NUP62: variants seen among roughly 807,000 people sequenced by gnomAD.
NUP62 encodes the protein nucleoporin 62.
For missense variants in NUP62, 647 were observed against 689.4 expected (o/e 0.94, Z 0.69); for synonymous variants, 305 against 303.4 (o/e 1.01, Z -0.05).
chr19:49,924,501 C>T (rs147540590), intron 2 of NUP62, among the ~76,000 whole-genome samples: 6 of 152,156 alleles, frequency 3.9e-5, no homozygotes, highest in South Asian at 2.1e-4. Context: ...TGCCTGCAAC[C>T]ACCGCCTCAC....
rs752657893 is a variant in NUP62 at position 49,909,631 on chromosome 19, C to A, written c.177G>T (p.Leu59=). The A allele has an allele frequency of 6.2e-7, 1 of 1,614,194 alleles. No individual in the cohort carries two copies. The highest frequency in any genetic ancestry group is 1.1e-5 in the South Asian group (1 of 91,090). The change falls in exon 3 of 3, where the codon CTG becomes CTT. Residue 59 remains leucine, a synonymous_variant. Coordinates refer to ENST00000352066, the MANE Select transcript of NUP62 (RefSeq NM_016553.5). ...CCGGAGTCTGGGTGGCAAGTGAGAA[C>A]AGGCCGGTGGAAGGGGTACTTGTGG... ...QPATSTPSTG[L]FSLATQTPAT... is the part of the protein sequence containing the mutation.
At chr19:49,915,516 C>T (rs2075601199) in intron 2 of NUP62, among the ~76,000 whole-genome samples, 1 of 152,204 alleles carries the variant, frequency 6.6e-6, no homozygotes, top group Admixed American at 6.5e-5. Context: ...GACTCTGGAC[C>T]CCCAGCACTG....
Position 49,907,473 on chromosome 19 carries a change from C to T in NUP62, c.*766G>A. 1 of 438,584 alleles carries T rather than the reference C, an allele frequency of 2.3e-6. No homozygotes were observed. The highest frequency in any genetic ancestry group is 2.6e-5 in the Admixed American group (1 of 38,062). The allele number at this position is 438,584 out of a possible 1,614,324, so 27.2% of individuals were successfully genotyped here. A position where few individuals can be genotyped will look rare whatever the true frequency, so the allele number is the denominator to read the frequency against. On this transcript the variant is annotated 3_prime_UTR_variant, in exon 3 of 3. Transcript: ENST00000352066. ...TGTGCTGCTTTGCCTTGGTGGTTAG[C>T]ATGGTTAGCTTTCACAAGCACAAGC...
chr19:49,909,463 C>G lies in NUP62; in HGVS notation c.345G>C (p.Gly115=). 2 of 1,614,130 alleles carry G rather than the reference C, an allele frequency of 1.2e-6. No homozygotes were observed. Among genetic ancestry groups the G allele is most frequent in the Non-Finnish European group, 1.7e-6 (2 of 1,180,034 alleles). The change falls in exon 3 of 3, where the codon GGG becomes GGC. Residue 115 remains glycine, a synonymous_variant. Coordinates refer to ENST00000352066, the MANE Select transcript of NUP62 (RefSeq NM_016553.5). ...TPAMANPSGF[G]LGSSNLTNAI... ...CATTAGTGAGGTTGCTGCTGCCCAG[C>G]CCAAAGCCGCTGGGGTTTGCCATGG...
chr19:49,923,622 G>A (rs1600556371), intron 2 of NUP62, among the ~76,000 whole-genome samples: 1 of 152,242 alleles, frequency 6.6e-6, no homozygotes, highest in African/African-American at 2.4e-5. Flanking sequence ...AGGCCCCAGA[G>A]CAGGAACTAC....
intron 2 of NUP62, chr19:49,917,889 AG>A (rs926306921): frequency 3.3e-5 from 5 of 152,090 alleles, no homozygotes; most frequent in African/African-American, 1.2e-4. Flanking sequence ...AAAATTAGCC[AG>A]GTGTGGTGGT....
chr19:49,915,715 C>T (rs1213282287), intron 2 of NUP62, among the ~76,000 whole-genome samples: 1 of 152,192 alleles, frequency 6.6e-6, no homozygotes, highest in Non-Finnish European at 1.5e-5. Flanking sequence ...CAGGTCTGCC[C>T]TTGTGCATGG....
intron 2 of NUP62, among the ~76,000 whole-genome samples, chr19:49,924,119 C>A (rs1017718835): frequency 6.6e-6 from 1 of 150,936 alleles, no homozygotes; most frequent in Non-Finnish European, 1.5e-5. Flanking sequence ...AGGGTCAGGG[C>A]TTGGAGACCT....
chr19:49,913,684 G>A (rs150062128), intron 2 of NUP62, among the ~76,000 whole-genome samples: 1 of 152,326 alleles, frequency 6.6e-6, no homozygotes, highest in East Asian at 1.9e-4. Flanking sequence ...TTTTCAGTCT[G>A]TATCATTTCT....
At chr19:49,910,269 G>T (rs548966730) in intron 2 of NUP62, among the ~76,000 whole-genome samples, 6 of 152,018 alleles carry the variant, frequency 3.9e-5, no homozygotes, top group African/African-American at 1.2e-4. Context: ...ACCCAGTGAG[G>T]TTCCCTGGCT....
At position 49,909,815 on chromosome 19, in the gene NUP62, G is replaced by A; in HGVS notation, c.-8C>T. On this transcript the variant is annotated 5_prime_UTR_variant, in exon 3 of 3. Transcript: ENST00000352066. ...AAAATTAAACCCGCTCATGGCTCCG[G>A]ACTCTGGTGGCGGCAGCTACTCTGG... is the stretch of plus-strand genomic sequence containing the variant. 1 of 1,613,798 alleles carries A rather than the reference G, an allele frequency of 6.2e-7. No homozygotes were observed. Among genetic ancestry groups the A allele is most frequent in the Non-Finnish European group, 8.5e-7 (1 of 1,179,960 alleles).
At chr19:49,927,472 G>A (rs1202386009) in intron 2 of NUP62, among the ~76,000 whole-genome samples, 5 of 152,228 alleles carry the variant, frequency 3.3e-5, no homozygotes, top group East Asian at 1.9e-4. Context: ...GTTCTAGGCC[G>A]CATGCAGGCC....
chr19:49,926,685 CT>C (rs780993915), intron 2 of NUP62, among the ~76,000 whole-genome samples: 1 of 152,206 alleles, frequency 6.6e-6, no homozygotes, highest in Non-Finnish European at 1.5e-5. Flanking sequence ...TTAATTCCAT[CT>C]GCTTTTGTTC....
chr19:49,912,616 C>A (rs964099915), intron 2 of NUP62, among the ~76,000 whole-genome samples: 1 of 152,182 alleles, frequency 6.6e-6, no homozygotes, highest in African/African-American at 2.4e-5. Context: ...GTAATCCCAG[C>A]ACTTTGGGAG....
intron 2 of NUP62, among the ~76,000 whole-genome samples, chr19:49,913,689 A>G (rs1307675770): frequency 1.3e-5 from 2 of 152,100 alleles, no homozygotes; most frequent in Non-Finnish European, 2.9e-5. Flanking sequence ...AGTCTGTATC[A>G]TTTCTCCATA....
At chr19:49,927,428 G>A (rs895617714) in intron 2 of NUP62, among the ~76,000 whole-genome samples, 1 of 152,128 alleles carries the variant, frequency 6.6e-6, no homozygotes, top group African/African-American at 2.4e-5. Flanking sequence ...TTTTGGTAAG[G>A]TTTACAAATT....
intron 2 of NUP62, among the ~76,000 whole-genome samples, chr19:49,917,029 A>G (rs922536806): frequency 1.3e-5 from 2 of 152,274 alleles, no homozygotes; most frequent in African/African-American, 4.8e-5. Flanking sequence ...CAAGACGGAC[A>G]GGGTGCGGAG....
intron 2 of NUP62, among the ~76,000 whole-genome samples, chr19:49,913,397 A>G (rs2075531019): frequency 6.6e-6 from 1 of 152,094 alleles, no homozygotes; most frequent in Admixed American, 6.5e-5. Context: ...AGGCCACTCT[A>G]GAGAGTCCAT....
chr19:49,911,719 G>C (rs2075468336), intron 2 of NUP62, among the ~76,000 whole-genome samples: 2 of 152,208 alleles, frequency 1.3e-5, no homozygotes, highest in Non-Finnish European at 2.9e-5. Flanking sequence ...CATCACTACT[G>C]ACTGGGAGCA....
Sources: gnomAD v4.1 joint callset for allele counts (sites outside exome capture counted in the v4.1 genomes callset) on GRCh38, gnomAD v4.1.1 for gene constraint, MANE v1.5 for transcripts, NCBI Gene and HGNC (gene_info 2026-07-23, HGNC 2026-07-21) for gene names.